Variants in SOX5 observed in about 807,000 individuals in gnomAD.
SOX5 encodes the protein transcription factor SOX-5.
Under a neutral mutation model 92.0 loss-of-function variants are expected in SOX5, and 9 were observed. That is an observed-to-expected ratio of 0.10 (90% confidence interval 0.06 to 0.17). SOX5 has a LOEUF of 0.17. SOX5 is among the 10% of genes least tolerant of loss of function. SOX5 has a pLI of 1.00. For missense variants in SOX5, 642 were observed against 944.5 expected, an observed-to-expected ratio of 0.68 and a Z score of 4.20; for synonymous variants, 344 against 336.3, an observed-to-expected ratio of 1.02 and a Z score of -0.25.
chr12:24,332,700 T>G (rs919001381), intron 2 of SOX5, among the ~76,000 whole-genome samples: 1 of 152,066 alleles, frequency 6.6e-6, no homozygotes, highest in African/African-American at 2.4e-5. Flanking sequence ...TTACTAACAG[T>G]AACTGAGAGG....
chr12:24,309,384 AC>A (rs1948948424), intron 2 of SOX5, among the ~76,000 whole-genome samples: 2 of 152,186 alleles, frequency 1.3e-5, no homozygotes, highest in Admixed American at 1.3e-4. Flanking sequence ...AACACTTTTC[AC>A]GAAAAATGCT....
intron 1 of SOX5, among the ~76,000 whole-genome samples, chr12:24,492,680 C>T (rs191116101): frequency 1.6e-3 from 240 of 152,220 alleles, no homozygotes; most frequent in Admixed American, 4.9e-3. Flanking sequence ...TGTTACCATG[C>T]CTGAATTACT....
chr12:24,010,113 T>A (rs548459615), intron 4 of SOX5, among the ~76,000 whole-genome samples: 28 of 152,316 alleles, frequency 1.8e-4, no homozygotes, highest in Admixed American at 1.6e-3. Flanking sequence ...AATAAAACAA[T>A]TTCTCAAAAC....
intron 2 of SOX5, among the ~76,000 whole-genome samples, chr12:23,850,568 G>GA (rs1181125050): frequency 6.6e-6 from 1 of 150,942 alleles, no homozygotes; most frequent in East Asian, 1.9e-4. Context: ...ATCAAAAGAG[G>GA]AAAAAAATAT....
At chr12:23,902,346 A>C (rs2097243575) in intron 1 of SOX5, among the ~76,000 whole-genome samples, 1 of 152,120 alleles carries the variant, frequency 6.6e-6, no homozygotes, top group East Asian at 1.9e-4. Flanking sequence ...GATAATACAC[A>C]AATTAAAATC....
intron 2 of SOX5, among the ~76,000 whole-genome samples, chr12:24,366,725 C>T (rs892076492): frequency 6.6e-6 from 1 of 151,994 alleles, no homozygotes; most frequent in Admixed American, 6.6e-5. Context: ...GTAAATTCCC[C>T]CCTGTACTCT....
intron 4 of SOX5, among the ~76,000 whole-genome samples, chr12:24,093,128 G>A (rs1027391653): frequency 2.6e-5 from 4 of 152,156 alleles, no homozygotes; most frequent in African/African-American, 9.7e-5. Context: ...CATCAAAAAT[G>A]CTAACTTGAT....
intron 4 of SOX5, among the ~76,000 whole-genome samples, chr12:24,090,753 C>A (rs1441293205): frequency 1.3e-5 from 2 of 152,126 alleles, no homozygotes; most frequent in African/African-American, 4.8e-5. Flanking sequence ...ATTGATGACA[C>A]AATGTAGGCA....
chr12:23,657,660 A>G (rs767512208), intron 7 of SOX5, among the ~76,000 whole-genome samples: 3 of 152,156 alleles, frequency 2.0e-5, no homozygotes, highest in Non-Finnish European at 2.9e-5. Context: ...TGTTACTGAG[A>G]TGAAATTCCA....
intron 1 of SOX5, among the ~76,000 whole-genome samples, chr12:24,431,213 C>T (rs901536252): frequency 2.6e-5 from 4 of 151,996 alleles, no homozygotes; most frequent in Admixed American, 6.6e-5. Flanking sequence ...AGTGAGTAAG[C>T]GATAAAACTC....
chr12:24,092,493 C>T (rs749208079), intron 4 of SOX5, among the ~76,000 whole-genome samples: 5 of 152,094 alleles, frequency 3.3e-5, no homozygotes, highest in Non-Finnish European at 5.9e-5. Flanking sequence ...GGATGCTTCA[C>T]CAATAAATGC....
At chr12:24,082,395 T>G (rs1943449465) in intron 4 of SOX5, among the ~76,000 whole-genome samples, 1 of 100,238 alleles carries the variant, frequency 1.0e-5, no homozygotes, top group Non-Finnish European at 1.8e-5. Context: ...GGGCTGCTCC[T>G]TTCGAAAAGA....
intron 11 of SOX5, among the ~76,000 whole-genome samples, chr12:23,557,574 G>A (rs979380075): frequency 6.6e-6 from 1 of 152,194 alleles, no homozygotes; most frequent in East Asian, 1.9e-4. Context: ...TGTATACGGT[G>A]TGTATGTGAA....
chr12:24,547,137 T>C (rs1037525153), intron 1 of SOX5, among the ~76,000 whole-genome samples: 8 of 151,554 alleles, frequency 5.3e-5, no homozygotes, highest in Non-Finnish European at 8.8e-5. Flanking sequence ...AGGAGTATAG[T>C]ATAAGAGAGC....
chr12:24,063,792 C>G (rs566060457), intron 4 of SOX5, among the ~76,000 whole-genome samples: 1 of 152,096 alleles, frequency 6.6e-6, no homozygotes, highest in Non-Finnish European at 1.5e-5. Context: ...ATCAGAAGAC[C>G]TAGCTCTGCC....
rs1371716620 is a variant in SOX5, at chr12:23,570,931, ATATATATAT to A, written c.1342+4721_1342+4729del. Among the ~76,000 whole-genome samples the A allele has an allele frequency of 7.5e-3, 126 of 16,694 alleles. 4 individuals carry two copies. The highest frequency in any genetic ancestry group is 0.012 in the Admixed American group (10 of 802). The allele number at this position is 16,694 out of a possible 152,430, so 11.0% of individuals were successfully genotyped here. Reference sequence around the variant, plus strand: ...AACTCAAAAAAAAAAAAAAAAAAAAATATATATATATATATATATATATATATATATATA... The same window carrying A: ...AACTCAAAAAAAAAAAAAAAAAAAAAATATATATATATATATATATATATA... On this transcript the variant is annotated intron_variant, in intron 10 of 14. Coordinates refer to ENST00000451604, the MANE Select transcript of SOX5 (RefSeq NM_006940.6).
intron 3 of SOX5, among the ~76,000 whole-genome samples, chr12:24,252,689 TA>T (rs542347992): frequency 0.065 from 8,835 of 136,672 alleles, 709 homozygotes; most frequent in African/African-American, 0.2. Context: ...GTCTATGCTT[TA>T]AAAAAAAAAA....
intron 11 of SOX5, among the ~76,000 whole-genome samples, chr12:23,557,310 A>G (rs945652823): frequency 6.6e-6 from 1 of 152,220 alleles, no homozygotes; most frequent in Admixed American, 6.5e-5. Flanking sequence ...TTTCCATCTT[A>G]TTTGACAGAA....
At chr12:23,743,264 T>C (rs1194359105) in intron 4 of SOX5, among the ~76,000 whole-genome samples, 1 of 152,138 alleles carries the variant, frequency 6.6e-6, no homozygotes, top group Non-Finnish European at 1.5e-5. Context: ...TACATATTAA[T>C]AGTAGCTATT....
Sources: allele counts gnomAD v4.1 joint callset (sites outside exome capture counted in the v4.1 genomes callset), GRCh38; gene constraint gnomAD v4.1.1; transcripts MANE v1.5; gene names NCBI Gene and HGNC (gene_info 2026-07-23, HGNC 2026-07-21).